PNPLA7: variants seen among roughly 807,000 people sequenced by gnomAD.
The protein encoded by PNPLA7 is patatin-like phospholipase domain-containing protein 7.
Under a neutral mutation model 161.7 loss-of-function variants are expected in PNPLA7, and 153 were observed. The ratio of observed to expected loss-of-function variants is 0.95; its 90% CI spans 0.83 to 1.08. The LOEUF is 1.08. PNPLA7 is among the 50% of genes least tolerant of loss of function. The pLI is 0.00. For synonymous variants in PNPLA7, 809 were observed against 782.1 expected, an observed-to-expected ratio of 1.03 and a Z score of -0.57; for missense variants, 1,739 against 1,856.6, an observed-to-expected ratio of 0.94 and a Z score of 1.16.
chr9:137,528,502 G>C (rs1240315186), intron 8 of PNPLA7, among the ~76,000 whole-genome samples: 1 of 151,994 alleles, frequency 6.6e-6, no homozygotes, highest in Non-Finnish European at 1.5e-5. Context: ...GGCTGATCTC[G>C]AACTTCTGAC....
intron 25 of PNPLA7, among the ~76,000 whole-genome samples, chr9:137,470,490 ACAC>A (rs1831658207): frequency 6.6e-6 from 1 of 152,158 alleles, no homozygotes; most frequent in Admixed American, 6.5e-5. Context: ...AGCTGTGATC[ACAC>A]CACTGCACTC....
chr9:137,502,604 C>T (rs765881165), intron 14 of PNPLA7, among the ~76,000 whole-genome samples: 20 of 115,208 alleles, frequency 1.7e-4, no homozygotes, highest in South Asian at 3.2e-4. Context: ...GAGGAGGAGC[C>T]GTGGGAGGTT....
At chr9:137,494,483 G>C (rs1832931461) in intron 19 of PNPLA7, among the ~76,000 whole-genome samples, 1 of 152,198 alleles carries the variant, frequency 6.6e-6, no homozygotes, top group South Asian at 2.1e-4. Flanking sequence ...TAGACCGAAT[G>C]ATCACCACAA....
In PNPLA7 at chr9:137,523,653, G is replaced by T. The variant is rs1468539553; in HGVS notation, c.748-796C>A. Among the ~76,000 whole-genome samples the T allele has an allele frequency of 6.8e-6, 1 of 148,096 alleles. No homozygotes were observed. Among genetic ancestry groups the T allele is most frequent in the Non-Finnish European group, 1.5e-5 (1 of 67,062 alleles). Reference sequence around the variant, plus strand: ...GATTTTTTTTTTTTTTTGAGACAGAGTCTCGTTCTGTCGTCCAGGCTGGAG... The same window carrying T: ...GATTTTTTTTTTTTTTTGAGACAGATTCTCGTTCTGTCGTCCAGGCTGGAG... On this transcript the variant is annotated intron_variant, in intron 8 of 34. Transcript: ENST00000406427. The surrounding 1 kb of genome is among the most constrained non-coding windows in gnomAD (Gnocchi z 4.4).
chr9:137,483,777 C>T (rs746404119), intron 21 of PNPLA7, among the ~76,000 whole-genome samples: 2 of 151,606 alleles, frequency 1.3e-5, no homozygotes, highest in Non-Finnish European at 2.9e-5. Flanking sequence ...TATAAGTATT[C>T]GATGTTTATA....
rs1428452578 is a variant in PNPLA7 at position 137,500,787 on chromosome 9, C to T, written c.1661G>A (p.Gly554Asp). 2 of 1,611,354 alleles carry T rather than the reference C, an allele frequency of 1.2e-6. No individual in the cohort carries two copies. The highest frequency in any genetic ancestry group is 2.2e-5 in the East Asian group (1 of 44,848). Residue 554 changes from glycine (G) to aspartate (D), a missense_variant, in exon 16 of 35, where the codon GGC (glycine) becomes GAC (aspartate). By Grantham distance (94) the Gly-to-Asp change is moderately conservative (BLOSUM62 -1). This residue lies in a region of PNPLA7 where 481 missense variants were observed against 450.0 expected (regional missense o/e 1.07). Transcript: ENST00000406427. The surrounding 1 kb of genome is among the most constrained non-coding windows in gnomAD (Gnocchi z 5.5). ...LFLTRPGEMVGQLAVLTGEPL... is the reference protein window; with the variant it reads ...LFLTRPGEMVDQLAVLTGEPL... ...CTCCCCGGTGAGCACGGCCAGCTGG[C>T]CCACCATCTCCCCGGGGCGCGTGAG...
At chr9:137,479,717 A>T in intron 23 of PNPLA7, 1 of 985,432 alleles carries the variant, frequency 1.0e-6, no homozygotes, top group Non-Finnish European at 1.2e-6. Context: ...GAACACGAAC[A>T]GGACTGGGTG....
rs140863822 is a variant in PNPLA7 at position 137,498,228 on chromosome 9, G to A, written c.1775C>T (p.Pro592Leu). Residue 592 changes from proline to leucine, a missense_variant, in exon 17 of 35, where the codon CCG (proline) becomes CTG (leucine). Around this residue, in one of 6 missense-constraint regions of PNPLA7, gnomAD observed 481 missense variants for 450.0 expected, o/e 1.07. Coordinates refer to ENST00000406427, the MANE Select transcript of PNPLA7 (RefSeq NM_001098537.3). ...GTGCGCCACACCCAGGACGACGGTC[G>A]GCTGCTTCCGCATGATTCTGCCGGG... ...AHFYEIMRKQ[P>L]TVVLGVAHTV... 68 of 1,611,604 alleles carry A rather than the reference G, an allele frequency of 4.2e-5. No homozygotes were observed. Among genetic ancestry groups the A allele is most frequent in the East Asian group, 2.9e-4 (13 of 44,890 alleles).
In PNPLA7 at chr9:137,484,685, G is replaced by A. The variant is rs1188002417; in HGVS notation, c.2249C>T (p.Pro750Leu). The change falls in exon 21 of 35, where the codon CCG (proline) becomes CTG (leucine). Residue 750 changes from proline to leucine, a missense_variant. Physicochemically the swap from Pro to Leu is moderately conservative, Grantham distance 98. Transcript: ENST00000406427. ...TGCCACCGTGGACAGGTTGACAGCC[G>A]GGTTCCCCAAGTCCCACTTGCTGCC... is the stretch of plus-strand genomic sequence containing the variant. The part of the protein sequence containing the change: ...TEGSKWDLGN[P>L]AVNLSTVAVM... 31 of 1,612,158 alleles carry A rather than the reference G, an allele frequency of 1.9e-5. No homozygotes were observed. Among genetic ancestry groups the A allele is most frequent in the African/African-American group, 2.7e-5 (2 of 74,910 alleles).
intron 30 of PNPLA7, 112 bp from the exon 31 acceptor site, chr9:137,462,443 TG>T: frequency 6.7e-7 from 1 of 1,491,650 alleles, no homozygotes. Context: ...AGGTAGGTTC[TG>T]GGGGGAGAGG....
In PNPLA7 at chr9:137,462,059, G is replaced by T; in HGVS notation, c.3646-18C>A. On this transcript the variant is annotated intron_variant, in intron 31 of 34. Transcript: ENST00000406427. The stretch of plus-strand genomic sequence containing the variant: ...CCCACTTCCTGTGCACACCCCCAGG[G>T]CCCCGTCAGGAGGTGTGGGGAGCCC... 6.4e-7 allele frequency: 1 copy of T among 1,561,310 alleles called. No homozygotes were observed.
chr9:137,540,238 A>G lies in PNPLA7; in HGVS notation c.747+404T>C, dbSNP rs1836119035. Among the ~76,000 whole-genome samples, 1 of 152,208 alleles carries G rather than the reference A, an allele frequency of 6.6e-6. No homozygotes were observed. The stretch of plus-strand genomic sequence containing the variant: ...AAAGCAAAAGACTGGGAGCCACAGA[A>G]AGACGGCGCCAGCAGGGAAGAGCCC... On this transcript the variant is annotated intron_variant, in intron 8 of 34. Coordinates refer to ENST00000406427, the MANE Select transcript of PNPLA7 (RefSeq NM_001098537.3). The surrounding 1 kb of genome is among the most constrained non-coding windows in gnomAD (Gnocchi z 5.1).
intron 8 of PNPLA7, among the ~76,000 whole-genome samples, chr9:137,528,636 TTGTC>T (rs1395393047): frequency 6.6e-6 from 1 of 151,824 alleles, no homozygotes; most frequent in Non-Finnish European, 1.5e-5. Context: ...GACATCGACT[TTGTC>T]TGATACTAAT....
chr9:137,519,925 C>T lies in PNPLA7; in HGVS notation c.1076G>A (p.Cys359Tyr), dbSNP rs772890464. 3.1e-6 allele frequency: 5 copies of T among 1,612,098 alleles called. No homozygotes were observed. In the African/African-American group the frequency reaches 4.0e-5, roughly 13 times the overall value. ...LKKPPRLQES[C>Y]DSDHGGGRPA... is the part of the protein sequence containing the mutation. ...TTGGTGCAGGACAGTACCTGAGTCACAGGACTCCTGGAGCCGCGGTGGCTT... is the reference window on the plus strand; with the variant it reads ...TTGGTGCAGGACAGTACCTGAGTCATAGGACTCCTGGAGCCGCGGTGGCTT... Residue 359 changes from cysteine to tyrosine, a missense_variant, in exon 11 of 35, where the codon TGT becomes TAT. Physicochemically the swap from Cys to Tyr is radical, Grantham distance 194 (BLOSUM62 -2). Around this residue, in one of 6 missense-constraint regions of PNPLA7, gnomAD observed 481 missense variants for 450.0 expected, o/e 1.07. Coordinates refer to ENST00000406427, the MANE Select transcript of PNPLA7 (RefSeq NM_001098537.3).
At chr9:137,463,610 G>A in intron 28 of PNPLA7, 79 bp from the exon 29 acceptor site, 1 of 1,067,736 alleles carries the variant, frequency 9.4e-7, no homozygotes, top group Non-Finnish European at 1.4e-6. Flanking sequence ...TGCCACTGCA[G>A]TCCTGGAGCT....
At chr9:137,505,855 G>A in intron 13 of PNPLA7, 95 bp from the exon 14 acceptor site, 2 of 1,549,866 alleles carry the variant, frequency 1.3e-6, no homozygotes, top group Non-Finnish European at 1.8e-6. Context: ...AGTGCGGAAA[G>A]GCCGGCTGAG....
Position 137,512,234 on chromosome 9 carries a change from C to T in PNPLA7, c.1225+3145G>A, listed in dbSNP as rs144921097. On this transcript the variant is annotated intron_variant, in intron 12 of 34. Coordinates refer to ENST00000406427, the MANE Select transcript of PNPLA7 (RefSeq NM_001098537.3). Reference sequence around the variant, plus strand: ...AGCAGCCCCAACAGAAATGTGTACACGCTCGTGCAGTGGACGCACAGACGT... The same window carrying T: ...AGCAGCCCCAACAGAAATGTGTACATGCTCGTGCAGTGGACGCACAGACGT... 1.6e-4 allele frequency among the ~76,000 whole-genome samples: 24 copies of T among 152,386 alleles called. No individual in the cohort carries two copies. The East Asian group carries it at 4.4e-3, about 28-fold the overall frequency.
At chr9:137,525,459 C>T (rs1456096860) in intron 8 of PNPLA7, among the ~76,000 whole-genome samples, 2 of 152,190 alleles carry the variant, frequency 1.3e-5, no homozygotes, top group African/African-American at 4.8e-5. Context: ...AAGTGTGAGT[C>T]GTCTCCAGCG....
rs1266912570 is a variant in PNPLA7 at position 137,523,504 on chromosome 9, G to C, written c.748-647C>G. Among the ~76,000 whole-genome samples the C allele has an allele frequency of 1.3e-5, 2 of 152,234 alleles. No homozygotes were observed. The highest frequency in any genetic ancestry group is 3.8e-4 in the East Asian group (2 of 5,204). On this transcript the variant is annotated intron_variant, in intron 8 of 34. Coordinates refer to ENST00000406427, the MANE Select transcript of PNPLA7 (RefSeq NM_001098537.3). The surrounding 1 kb of genome is among the most constrained non-coding windows in gnomAD (Gnocchi z 4.4). ...ATCTTCTAGAAATTGGTGGGCTCTA[G>C]AGAGAAAAGGCTGTTTTTAAATCAC...
Sources: gnomAD v4.1 joint callset for allele counts (sites outside exome capture counted in the v4.1 genomes callset) on GRCh38, gnomAD v4.1.1 for gene constraint, gnomAD v4.1.1 regional missense constraint, Gnocchi (gnomAD v3.1) non-coding constraint, MANE v1.5 for transcripts, NCBI Gene and HGNC (gene_info 2026-07-23, HGNC 2026-07-21) for gene names.